Variants in CLSTN2 observed in about 807,000 individuals in gnomAD.
The protein encoded by CLSTN2 is calsyntenin 2, also known as calsyntenin-2.
A neutral mutation model predicts 101.2 loss-of-function variants in CLSTN2; 48 were observed. The ratio of observed to expected loss-of-function variants is 0.47; its 90% confidence interval spans 0.38 to 0.60. The LOEUF (loss-of-function observed/expected upper bound fraction) is 0.60, where lower values mean the gene tolerates loss of function less well. Ranked by LOEUF, CLSTN2 falls within the 20% of genes least tolerant of loss-of-function variation. The pLI is 0.00. For missense variants in CLSTN2, 1,160 were observed against 1,238.2 expected, an observed-to-expected ratio of 0.94 and a Z score of 0.95; for synonymous variants, 481 against 463.6, an observed-to-expected ratio of 1.04 and a Z score of -0.48.
chr3:140,214,387 G>T (rs2107848419), intron 2 of CLSTN2, among the ~76,000 whole-genome samples: 1 of 152,138 alleles, frequency 6.6e-6, no homozygotes, highest in East Asian at 1.9e-4. Flanking sequence ...CTGAGAAGTG[G>T]AGGTTGTAGT....
chr3:139,970,315 A>T (rs1328054816), intron 1 of CLSTN2, among the ~76,000 whole-genome samples: 1 of 152,140 alleles, frequency 6.6e-6, no homozygotes, highest in African/African-American at 2.4e-5. Context: ...TGTGTGAAGC[A>T]TCTGGGGGGG....
rs1425363639 is a variant in CLSTN2 at position 140,404,701 on chromosome 3, A to G, written c.572A>G (p.Gln191Arg). The G allele has an allele frequency of 6.2e-7, 1 of 1,614,210 alleles. No homozygotes were observed. ...VEAIDEDCSPQYSQICNYEIV... is the reference protein window; with the variant it reads ...VEAIDEDCSPRYSQICNYEIV... The stretch of plus-strand genomic sequence containing the variant: ...GCCATTGACGAGGACTGCTCCCCAC[A>G]GTACAGCCAGATCTGCAACTATGAA... Residue 191 changes from glutamine to arginine, a missense_variant, in exon 4 of 17, where the codon CAG becomes CGG. Coordinates refer to ENST00000458420, the MANE Select transcript of CLSTN2 (RefSeq NM_022131.3).
At chr3:140,427,191 A>ATATATATGTGTG (rs2088576950) in intron 5 of CLSTN2, among the ~76,000 whole-genome samples, 2 of 71,826 alleles carry the variant, frequency 2.8e-5, no homozygotes, top group African/African-American at 1.4e-4. Context: ...AAAAATATAT[A>ATATATATGTGTG]TATATATATA....
intron 2 of CLSTN2, among the ~76,000 whole-genome samples, chr3:140,397,290 A>T (rs1356055984): frequency 6.6e-6 from 1 of 152,124 alleles, no homozygotes; most frequent in African/African-American, 2.4e-5. Context: ...GACCTCACCC[A>T]GGTAGGTAGT....
chr3:140,230,431 GT>G (rs1319164845), intron 2 of CLSTN2, among the ~76,000 whole-genome samples: 1 of 152,142 alleles, frequency 6.6e-6, no homozygotes, highest in African/African-American at 2.4e-5. Flanking sequence ...CTGAATATTT[GT>G]TTTTCCAAAA....
intron 2 of CLSTN2, among the ~76,000 whole-genome samples, chr3:140,376,589 C>A (rs2087919656): frequency 6.6e-6 from 1 of 152,146 alleles, no homozygotes; most frequent in East Asian, 1.9e-4. Context: ...ATGGATTTTG[C>A]TTTTAAATGC....
chr3:140,225,122 G>A (rs541856553), intron 2 of CLSTN2, among the ~76,000 whole-genome samples: 7 of 152,270 alleles, frequency 4.6e-5, no homozygotes, highest in East Asian at 1.9e-4. Context: ...CTCCCAGCTC[G>A]GAGCATAGGC....
At chr3:140,313,654 G>T (rs1183649061) in intron 2 of CLSTN2, among the ~76,000 whole-genome samples, 2 of 152,190 alleles carry the variant, frequency 1.3e-5, no homozygotes, top group African/African-American at 4.8e-5. Context: ...TGACAGTGAA[G>T]CTTTTACAGC....
At chr3:140,434,759 G>T (rs1576565871) in intron 5 of CLSTN2, among the ~76,000 whole-genome samples, 1 of 152,334 alleles carries the variant, frequency 6.6e-6, no homozygotes, top group African/African-American at 2.4e-5. Context: ...GTGGCTGTAT[G>T]ACTGACAGGA....
intron 1 of CLSTN2, among the ~76,000 whole-genome samples, chr3:140,087,791 G>A (rs1221850069): frequency 2.0e-5 from 3 of 152,202 alleles, no homozygotes; most frequent in Non-Finnish European, 4.4e-5. Context: ...CAGAGGAGGT[G>A]AATTTTGAGT....
intron 2 of CLSTN2, among the ~76,000 whole-genome samples, chr3:140,217,003 G>A (rs2010929487): frequency 1.3e-5 from 2 of 152,268 alleles, no homozygotes; most frequent in East Asian, 3.9e-4. Context: ...GAGAACAGTG[G>A]TCCAGAGAAG....
chr3:139,982,439 G>A (rs763525729), intron 1 of CLSTN2, among the ~76,000 whole-genome samples: 17 of 152,016 alleles, frequency 1.1e-4, no homozygotes, highest in Non-Finnish European at 2.2e-4. Flanking sequence ...AGATGCTTCT[G>A]TGGGGGCTTA....
chr3:140,241,610 C>T (rs531973503), intron 2 of CLSTN2, among the ~76,000 whole-genome samples: 1 of 151,924 alleles, frequency 6.6e-6, no homozygotes, highest in African/African-American at 2.4e-5. Context: ...TTCATTTATT[C>T]ATTCATTTAA....
intron 10 of CLSTN2, among the ~76,000 whole-genome samples, chr3:140,549,663 C>G (rs1301147486): frequency 6.7e-6 from 1 of 149,088 alleles, no homozygotes; most frequent in Non-Finnish European, 1.5e-5. Flanking sequence ...ATCAGCAACT[C>G]AGATTAGAAG....
At chr3:140,188,219 C>T (rs1207500022) in intron 2 of CLSTN2, among the ~76,000 whole-genome samples, 1 of 152,156 alleles carries the variant, frequency 6.6e-6, no homozygotes, top group South Asian at 2.1e-4. Context: ...TATGCTTTGG[C>T]GTGTTTGCTC....
At chr3:140,056,105 G>C (rs963042821) in intron 1 of CLSTN2, among the ~76,000 whole-genome samples, 1 of 152,146 alleles carries the variant, frequency 6.6e-6, no homozygotes, top group African/African-American at 2.4e-5. Flanking sequence ...CGGTTTGTTC[G>C]CTGGGAAGCC....
chr3:140,253,541 AT>A (rs1324634018), intron 2 of CLSTN2, among the ~76,000 whole-genome samples: 1 of 152,226 alleles, frequency 6.6e-6, no homozygotes, highest in African/African-American at 2.4e-5. Context: ...CAGGGAAAGT[AT>A]GAGCACAGGC....
chr3:140,541,020 T>C lies in CLSTN2; in HGVS notation c.1508-5495T>C, dbSNP rs137919547. On this transcript the variant is annotated intron_variant, in intron 9 of 16. Coordinates refer to ENST00000458420, the MANE Select transcript of CLSTN2 (RefSeq NM_022131.3). ...AACACCAGTTTCTGGGAGTTGCTGCTGAAGCCATTCTGTGTCCACAGAGCC... is the reference window on the plus strand; with the variant it reads ...AACACCAGTTTCTGGGAGTTGCTGCCGAAGCCATTCTGTGTCCACAGAGCC... Among the ~76,000 whole-genome samples the C allele has an allele frequency of 5.3e-5, 8 of 152,358 alleles. No homozygotes were observed. In the East Asian group the frequency reaches 1.4e-3, roughly 26 times the overall value.
chr3:140,322,019 G>T (rs1226158156), intron 2 of CLSTN2, among the ~76,000 whole-genome samples: 1 of 152,210 alleles, frequency 6.6e-6, no homozygotes, highest in Non-Finnish European at 1.5e-5. Flanking sequence ...ACCCTCTGTA[G>T]CTCCATCTCT....
Sources: gnomAD v4.1 joint callset for allele counts (sites outside exome capture counted in the v4.1 genomes callset) on GRCh38, gnomAD v4.1.1 for gene constraint, MANE v1.5 for transcripts, NCBI Gene and HGNC (gene_info 2026-07-23, HGNC 2026-07-21) for gene names.